The following SMURF1 variants were observed in gnomAD, a reference collection of about 807,000 sequenced individuals.
SMURF1 encodes the protein E3 ubiquitin-protein ligase SMURF1.
In SMURF1, 44 loss-of-function variants were observed where a neutral mutation model predicts 98.0. The ratio of observed to expected loss-of-function variants is 0.45; its 90% confidence interval spans 0.35 to 0.58. The LOEUF is 0.58. Ranked by LOEUF, SMURF1 falls within the 20% of genes least tolerant of loss-of-function variation. The pLI, the probability that SMURF1 is intolerant of heterozygous loss-of-function variation, is 0.00. For missense variants in SMURF1, 687 were observed against 938.4 expected (o/e 0.73, Z 3.50); for synonymous variants, 396 against 374.9 (o/e 1.06, Z -0.65).
At chr7:99,097,320 C>T (rs10231639) in intron 1 of SMURF1, among the ~76,000 whole-genome samples, 3 of 152,138 alleles carry the variant, frequency 2.0e-5, no homozygotes, top group South Asian at 2.1e-4. Flanking sequence ...AAAGAGGTCA[C>T]GGCTCCGAAT....
chr7:99,116,528 A>T (rs746171050), intron 1 of SMURF1, among the ~76,000 whole-genome samples: 56 of 152,344 alleles, frequency 3.7e-4, no homozygotes, highest in Non-Finnish European at 6.3e-4. Flanking sequence ...TGCAAAATAC[A>T]AGATCAACAT....
intron 13 of SMURF1, 93 bp from the exon 14 acceptor site, chr7:99,038,618 G>A: frequency 1.3e-6 from 2 of 1,483,542 alleles, no homozygotes; most frequent in Non-Finnish European, 1.8e-6. Context: ...GCCAAACCCG[G>A]GGCTGCAAGA....
At chr7:99,047,181 T>C (rs1795611400) in intron 10 of SMURF1, among the ~76,000 whole-genome samples, 1 of 152,174 alleles carries the variant, frequency 6.6e-6, no homozygotes, top group Non-Finnish European at 1.5e-5. Flanking sequence ...TCCTCGCCAA[T>C]TTCCACAGGA....
intron 2 of SMURF1, among the ~76,000 whole-genome samples, chr7:99,061,569 A>G (rs1796035450): frequency 6.6e-6 from 1 of 152,190 alleles, no homozygotes; most frequent in Non-Finnish European, 1.5e-5. Flanking sequence ...TGTGACCAGA[A>G]TAGGAAACGA....
intron 1 of SMURF1, among the ~76,000 whole-genome samples, chr7:99,084,729 G>C (rs937220015): frequency 2.0e-5 from 3 of 152,034 alleles, no homozygotes; most frequent in African/African-American, 7.2e-5. Flanking sequence ...TCGAGCAAAA[G>C]GTATCCAGAA....
intron 5 of SMURF1, among the ~76,000 whole-genome samples, chr7:99,055,686 C>T (rs890417250): frequency 1.3e-5 from 2 of 151,974 alleles, no homozygotes; most frequent in Non-Finnish European, 2.9e-5. Flanking sequence ...ACAGAGAGGC[C>T]GGGCACAGTG....
chr7:99,121,972 GAT>G (rs1431852027), intron 1 of SMURF1, among the ~76,000 whole-genome samples: 2 of 152,198 alleles, frequency 1.3e-5, no homozygotes, highest in African/African-American at 4.8e-5. Context: ...GTAGCTGCTT[GAT>G]ATAGTCAGCA....
intron 1 of SMURF1, among the ~76,000 whole-genome samples, chr7:99,070,009 A>C (rs974904958): frequency 1.3e-5 from 2 of 152,254 alleles, no homozygotes; most frequent in African/African-American, 4.8e-5. Context: ...GTAAAGTGAC[A>C]GTCCTGAGGT....
chr7:99,131,100 A>G (rs909619545), intron 1 of SMURF1, among the ~76,000 whole-genome samples: 1 of 152,186 alleles, frequency 6.6e-6, no homozygotes, highest in South Asian at 2.1e-4. Flanking sequence ...ACTGAGATAT[A>G]GAGAGAAACC....
chr7:99,065,150 G>A (rs1796157754), intron 1 of SMURF1, among the ~76,000 whole-genome samples: 1 of 151,640 alleles, frequency 6.6e-6, no homozygotes, highest in African/African-American at 2.4e-5. Context: ...CTGGAGTGCA[G>A]TGGTGCGATC....
rs1267367347 is a variant in SMURF1 at position 99,029,343 on chromosome 7, T to G, written c.*1241A>C. The G allele has an allele frequency of 2.6e-5, 4 of 152,678 alleles. No individual in the cohort carries two copies. The East Asian group carries it at 7.7e-4, about 29-fold the overall frequency. 9.5% of individuals were successfully genotyped at this position (152,678 alleles called of 1,614,324 possible). A position where few individuals can be genotyped will look rare whatever the true frequency, so the allele number is the denominator to read the frequency against. Reference sequence around the variant, plus strand: ...CACTTTAAGATAAAATACTGACTTTTGTGCAAACTGGAAATGGTGTCAGAA... The same window carrying G: ...CACTTTAAGATAAAATACTGACTTTGGTGCAAACTGGAAATGGTGTCAGAA... On this transcript the variant is annotated 3_prime_UTR_variant, in exon 18 of 18. Transcript: ENST00000361368.
intron 1 of SMURF1, among the ~76,000 whole-genome samples, chr7:99,108,416 C>G (rs1387893101): frequency 6.6e-6 from 1 of 151,612 alleles, no homozygotes; most frequent in African/African-American, 2.4e-5. Context: ...TCAAGACCAG[C>G]CTGGCAAATA....
chr7:99,077,011 AG>A (rs1320487105), intron 1 of SMURF1, among the ~76,000 whole-genome samples: 2 of 148,840 alleles, frequency 1.3e-5, no homozygotes, highest in Admixed American at 6.6e-5. Context: ...AAAACAAAAA[AG>A]GTTACAGAAC....
intron 1 of SMURF1, among the ~76,000 whole-genome samples, chr7:99,090,524 A>G (rs1054498087): frequency 1.3e-5 from 2 of 152,186 alleles, no homozygotes; most frequent in Non-Finnish European, 2.9e-5. Flanking sequence ...AGGGCAGGGC[A>G]GGGGGCAAGA....
In SMURF1 at chr7:99,028,575, C is replaced by T. The variant is rs1355693202; in HGVS notation, c.*2009G>A. 1 of 152,226 alleles carries T rather than the reference C, an allele frequency of 6.6e-6. No individual in the cohort carries two copies. Among genetic ancestry groups the T allele is most frequent in the South Asian group, 2.1e-4 (1 of 4,824 alleles). 9.4% of individuals were successfully genotyped at this position (152,226 alleles called of 1,614,324 possible). On this transcript the variant is annotated 3_prime_UTR_variant, in exon 18 of 18. Transcript: ENST00000361368. ...GGATGGCGGTGCAGCTGCTAAGGCT[C>T]GCCCCCGACTCCTCCCAACAGCAAA...
At chr7:99,030,720 T>C (rs936279056) in intron 17 of SMURF1, 37 bp from the exon 18 acceptor site, 5 of 1,574,854 alleles carry the variant, frequency 3.2e-6, no homozygotes, top group Non-Finnish European at 4.4e-6. Flanking sequence ...GTGTGGGCAG[T>C]CCAGCCCTAG....
intron 1 of SMURF1, among the ~76,000 whole-genome samples, chr7:99,073,926 T>G (rs1376900321): frequency 6.6e-6 from 1 of 152,232 alleles, no homozygotes; most frequent in Non-Finnish European, 1.5e-5. Context: ...TTGATTGTAC[T>G]CAGTTTTGGA....
chr7:99,072,904 A>C (rs1796359755), intron 1 of SMURF1, among the ~76,000 whole-genome samples: 2 of 152,192 alleles, frequency 1.3e-5, no homozygotes, highest in African/African-American at 4.8e-5. Flanking sequence ...TCACAGTATA[A>C]ATCAGGGTAA....
intron 1 of SMURF1, among the ~76,000 whole-genome samples, chr7:99,075,435 A>G (rs1796430488): frequency 6.6e-6 from 1 of 152,206 alleles, no homozygotes; most frequent in South Asian, 2.1e-4. Flanking sequence ...GAACCTGCAA[A>G]GGGAACCCCC....
Sources: gnomAD v4.1 joint callset for allele counts (sites outside exome capture counted in the v4.1 genomes callset) on GRCh38, gnomAD v4.1.1 for gene constraint, MANE v1.5 for transcripts, NCBI Gene and HGNC (gene_info 2026-07-23, HGNC 2026-07-21) for gene names.